Variants in SGCD observed in about 807,000 individuals in gnomAD.
SGCD encodes sarcoglycan delta, also known as delta-sarcoglycan.
SGCD carries 18 observed loss-of-function variants against 36.6 expected under a neutral mutation model. The observed-to-expected ratio is 0.49, with a 90% CI of 0.34 to 0.73. The LOEUF (loss-of-function observed/expected upper bound fraction) is 0.73. Ranked by LOEUF, SGCD falls within the 30% of genes least tolerant of loss-of-function variation. The pLI, the probability that SGCD is intolerant of heterozygous loss-of-function variation, is 0.01. For missense variants in SGCD, 387 were observed against 346.7 expected (o/e 1.12, Z -0.92); for synonymous variants, 133 against 130.6 (o/e 1.02, Z -0.12).
At position 156,070,704 on chromosome 5, in the gene SGCD, T is replaced by A. The variant is rs553129791; in HGVS notation, c.-281-47174T>A. On this transcript the variant is annotated intron_variant, in intron 1 of 9. Transcript: ENST00000517913. ...TTGATTGGAATAGTTTCAGAAGGAA[T>A]GGTACCAGTTCCTCCTTGTACCTCT... Among the ~76,000 whole-genome samples, 12 of 152,306 alleles carry A rather than the reference T, an allele frequency of 7.9e-5. No homozygotes were observed. The South Asian group carries it at 2.5e-3, about 32-fold the overall frequency.
chr5:156,057,900 G>C (rs1347103396), intron 1 of SGCD, among the ~76,000 whole-genome samples: 1 of 146,002 alleles, frequency 6.8e-6, no homozygotes, highest in Non-Finnish European at 1.5e-5. Context: ...AAGTAATAAA[G>C]GAAAGAATTA....
At chr5:156,597,898 C>T (rs543104699) in intron 6 of SGCD, among the ~76,000 whole-genome samples, 1 of 152,246 alleles carries the variant, frequency 6.6e-6, no homozygotes, top group South Asian at 2.1e-4. Context: ...TTGAGCTGAG[C>T]CATAGGGAAA....
chr5:155,881,323 T>TAAATAAATAAATAAAGAAAGAAAG (rs942789932), intron 1 of SGCD, among the ~76,000 whole-genome samples: 13 of 151,400 alleles, frequency 8.6e-5, no homozygotes, highest in African/African-American at 2.9e-4. Context: ...AATAAATAAA[T>TAAATAAATAAATAAAGAAAGAAAG]AAAGAATATA....
chr5:156,458,718 C>A (rs1056151491), intron 3 of SGCD, among the ~76,000 whole-genome samples: 2 of 152,178 alleles, frequency 1.3e-5, no homozygotes, highest in Non-Finnish European at 2.9e-5. Flanking sequence ...CACTCATGAT[C>A]ATCATCACCA....
In SGCD at chr5:156,248,423, G is replaced by A. The variant is rs537261760; in HGVS notation, c.-43-81111G>A. On this transcript the variant is annotated intron_variant, in intron 3 of 9. Transcript: ENST00000517913. ...TAATTCCAGCTACTCAGGAGGCTGA[G>A]CAGGAGAATCACTTGAACCCGGGAG... is the stretch of plus-strand genomic sequence containing the variant. Among the ~76,000 whole-genome samples, 14 of 152,232 alleles carry A rather than the reference G, an allele frequency of 9.2e-5. No individual in the cohort carries two copies. The East Asian group carries it at 2.7e-3, about 29-fold the overall frequency.
chr5:156,292,290 C>G (rs1766778154), intron 3 of SGCD, among the ~76,000 whole-genome samples: 1 of 152,122 alleles, frequency 6.6e-6, no homozygotes, highest in Non-Finnish European at 1.5e-5. Flanking sequence ...TCACCTGCCC[C>G]TCAGGCCCTG....
At chr5:156,606,817 T>C (rs201343165) in intron 6 of SGCD, among the ~76,000 whole-genome samples, 1 of 152,244 alleles carries the variant, frequency 6.6e-6, no homozygotes, top group African/African-American at 2.4e-5. Context: ...CAATTGTGAT[T>C]GGAAGTTCAC....
chr5:156,264,390 A>G (rs1247592476), intron 3 of SGCD, among the ~76,000 whole-genome samples: 3 of 152,156 alleles, frequency 2.0e-5, no homozygotes. Flanking sequence ...TAGCATCAGC[A>G]GTTTTTCTGG....
chr5:156,083,131 G>T (rs1761003727), intron 1 of SGCD, among the ~76,000 whole-genome samples: 1 of 151,546 alleles, frequency 6.6e-6, no homozygotes, highest in Admixed American at 6.6e-5. Context: ...TTTTTAAATT[G>T]TTGAGTTGTG....
intron 3 of SGCD, among the ~76,000 whole-genome samples, chr5:156,206,450 C>G (rs2127639140): frequency 6.6e-6 from 1 of 152,026 alleles, no homozygotes; most frequent in South Asian, 2.1e-4. Flanking sequence ...GGGATTGAAG[C>G]CCTATGCAAT....
intron 7 of SGCD, among the ~76,000 whole-genome samples, chr5:156,680,720 T>C (rs187533770): frequency 1.3e-3 from 204 of 152,280 alleles, no homozygotes; most frequent in Non-Finnish European, 2.3e-3. Context: ...GAAGAAAAGA[T>C]GTGTGTGCTG....
chr5:156,669,955 C>T (rs914597391), intron 7 of SGCD, among the ~76,000 whole-genome samples: 5 of 152,080 alleles, frequency 3.3e-5, no homozygotes, highest in African/African-American at 1.2e-4. Context: ...CATGACTAGA[C>T]ATTACTAGAC....
the SGCD span, among the ~76,000 whole-genome samples, chr5:155,863,629 G>A: frequency 6.6e-6 from 1 of 151,184 alleles, no homozygotes; most frequent in Non-Finnish European, 1.5e-5. Flanking sequence ...CATCATCCAG[G>A]AAAATTGCCA....
chr5:156,724,069 A>G (rs1474595531), intron 7 of SGCD, among the ~76,000 whole-genome samples: 1 of 152,154 alleles, frequency 6.6e-6, no homozygotes, highest in East Asian at 1.9e-4. Flanking sequence ...ACAGATTAAC[A>G]AGAGTTTGAG....
At chr5:156,372,387 G>A (rs147941452) in intron 3 of SGCD, among the ~76,000 whole-genome samples, 2 of 152,268 alleles carry the variant, frequency 1.3e-5, no homozygotes, top group East Asian at 3.9e-4. Flanking sequence ...TCAACAATGG[G>A]TAGCTTTACT....
intron 1 of SGCD, among the ~76,000 whole-genome samples, chr5:156,039,559 A>G (rs1489643524): frequency 1.3e-5 from 2 of 152,194 alleles, no homozygotes; most frequent in Non-Finnish European, 2.9e-5. Context: ...CTATCTGTTG[A>G]ATAAAATAAT....
chr5:155,992,875 C>A (rs2127565260), intron 1 of SGCD, among the ~76,000 whole-genome samples: 1 of 152,242 alleles, frequency 6.6e-6, no homozygotes, highest in South Asian at 2.1e-4. Flanking sequence ...CTTGTTGATG[C>A]TAAAGGGACT....
intron 1 of SGCD, among the ~76,000 whole-genome samples, chr5:156,088,144 T>C (rs924873024): frequency 3.9e-5 from 6 of 152,170 alleles, no homozygotes; most frequent in Non-Finnish European, 7.4e-5. Flanking sequence ...AGGGGCTATC[T>C]GACTTAAGTG....
At chr5:156,196,982 A>AACTAAGTGCATCTTTATACATCTTAG in intron 3 of SGCD, among the ~76,000 whole-genome samples, 1 of 152,298 alleles carries the variant, frequency 6.6e-6, no homozygotes, top group African/African-American at 2.4e-5. Context: ...TTAGTTTATT[A>AACTAAGTGCATCTTTATACATCTTAG]ATATTATGAA....
Sources: allele counts gnomAD v4.1 joint callset (sites outside exome capture counted in the v4.1 genomes callset), GRCh38; gene constraint gnomAD v4.1.1; transcripts MANE v1.5; gene names NCBI Gene and HGNC (gene_info 2026-07-23, HGNC 2026-07-21).